Variants in ELP2 observed in about 807,000 individuals in gnomAD.
The protein encoded by ELP2 is elongator complex protein 2.
In ELP2, 90 loss-of-function variants were observed where a neutral mutation model predicts 119.2. The ratio of observed to expected loss-of-function variants is 0.75; its 90% CI spans 0.64 to 0.90. The LOEUF (loss-of-function observed/expected upper bound fraction) is 0.90. Ranked by LOEUF, ELP2 falls within the 40% of genes least tolerant of loss-of-function variation. The pLI is 0.00. For synonymous variants in ELP2, 339 were observed against 331.0 expected, an observed-to-expected ratio of 1.02 and a Z score of -0.26; for missense variants, 921 against 967.8, an observed-to-expected ratio of 0.95 and a Z score of 0.64.
At chr18:36,157,394 A>G (rs982547577) in intron 13 of ELP2, among the ~76,000 whole-genome samples, 2 of 152,072 alleles carry the variant, frequency 1.3e-5, no homozygotes, top group African/African-American at 4.8e-5. Context: ...GGGGAGAGAG[A>G]GGGAGAGAGC....
chr18:36,144,088 C>G (rs2090124867), intron 8 of ELP2, among the ~76,000 whole-genome samples: 1 of 151,544 alleles, frequency 6.6e-6, no homozygotes, highest in Non-Finnish European at 1.5e-5. Context: ...CATTGTTCAC[C>G]TAGGTGTATT....
chr18:36,163,975 A>G (rs934236835), intron 17 of ELP2, among the ~76,000 whole-genome samples: 2 of 152,202 alleles, frequency 1.3e-5, no homozygotes, highest in African/African-American at 2.4e-5. Context: ...TGGAGATTGC[A>G]TTGATTCTCT....
intron 12 of ELP2, 44 bp from the exon 13 acceptor site, chr18:36,156,422 T>C (rs1165770865): frequency 4.4e-6 from 7 of 1,587,572 alleles, no homozygotes; most frequent in Non-Finnish European, 6.1e-6. Flanking sequence ...TTATTGAAAA[T>C]TCAGCTTTTG....
rs1267935796 is a variant in ELP2, at chr18:36,176,073, CAT to C, written c.*1435_*1436del. ...AAAGGAAACAGGTGAAATTTAATGA[CAT>C]ATTTCCTTTAATACGGTATATCCAA... On this transcript the variant is annotated 3_prime_UTR_variant, in exon 22 of 22. Transcript: ENST00000358232. 13 of 152,178 alleles carry C rather than the reference CAT, an allele frequency of 8.5e-5. No individual in the cohort carries two copies. The highest frequency in any genetic ancestry group is 2.9e-4 in the African/African-American group (12 of 41,504). 9.4% of individuals were successfully genotyped at this position (152,178 alleles called of 1,614,324 possible).
In ELP2 at chr18:36,178,259, A is replaced by G. The variant is rs925033465; in HGVS notation, c.*3618A>G. 2.0e-5 allele frequency: 3 copies of G among 152,238 alleles called. No homozygotes were observed. Among genetic ancestry groups the G allele is most frequent in the Non-Finnish European group, 4.4e-5 (3 of 68,074 alleles). 9.4% of individuals were successfully genotyped at this position (152,238 alleles called of 1,614,324 possible). A position where few individuals can be genotyped will look rare whatever the true frequency, so the allele number is the denominator to read the frequency against. On this transcript the variant is annotated 3_prime_UTR_variant, in exon 22 of 22. Transcript: ENST00000358232. ...CCTTGGCTCTGATGCTTGAACATAA[A>G]CACACCTAGTCAGAAGTACATCAGT...
intron 16 of ELP2, among the ~76,000 whole-genome samples, 168 bp from the exon 17 acceptor site, chr18:36,160,764 A>T (rs1160980665): frequency 1.3e-5 from 2 of 152,118 alleles, no homozygotes; most frequent in Non-Finnish European, 2.9e-5. Context: ...TTTTTCTCCC[A>T]TCTCCCTGTC....
chr18:36,149,478 G>GATTTTTTT (rs2090319078), intron 11 of ELP2, among the ~76,000 whole-genome samples: 1 of 64,516 alleles, frequency 1.6e-5, no homozygotes, highest in Middle Eastern at 0.01. Context: ...AGGGTTTTTT[G>GATTTTTTT]TTTTGTTTTG....
chr18:36,132,338 C>T (rs982835418), intron 1 of ELP2, among the ~76,000 whole-genome samples: 9 of 152,256 alleles, frequency 5.9e-5, no homozygotes, highest in East Asian at 1.9e-4. Context: ...AGTGATAACG[C>T]GCGTGGCCAC....
At chr18:36,139,272 C>T (rs191564177) in intron 5 of ELP2, 78 of 708,702 alleles carry the variant, frequency 1.1e-4, no homozygotes, top group Non-Finnish European at 1.7e-4. Flanking sequence ...CTTCACATCC[C>T]GAATAATGAC....
intron 12 of ELP2, among the ~76,000 whole-genome samples, chr18:36,155,699 C>T (rs1019536272): frequency 2.6e-5 from 4 of 152,132 alleles, no homozygotes; most frequent in African/African-American, 7.2e-5. Flanking sequence ...CCACCATGCC[C>T]AGCTAATTTT....
intron 3 of ELP2, among the ~76,000 whole-genome samples, chr18:36,136,795 C>G (rs2089842227): frequency 6.6e-6 from 1 of 152,010 alleles, no homozygotes; most frequent in Non-Finnish European, 1.5e-5. Flanking sequence ...TGTGAATTTC[C>G]TGTCATTTTG....
At chr18:36,156,012 A>G (rs923157145) in intron 12 of ELP2, among the ~76,000 whole-genome samples, 2 of 152,328 alleles carry the variant, frequency 1.3e-5, no homozygotes, top group East Asian at 1.9e-4. Context: ...AGATAAGACC[A>G]GTTAATTGCT....
chr18:36,144,179 A>G (rs1369212837), intron 8 of ELP2, among the ~76,000 whole-genome samples: 1 of 152,218 alleles, frequency 6.6e-6, no homozygotes, highest in Non-Finnish European at 1.5e-5. Flanking sequence ...GAACGAAAAA[A>G]TGATATAACC....
rs2091032474 is a variant in ELP2 at position 36,170,094 on chromosome 18, A to G, written c.2108A>G (p.Asp703Gly). 6.2e-7 allele frequency: 1 copy of G among 1,614,100 alleles called. No homozygotes were observed. The highest frequency in any genetic ancestry group is 2.2e-5 in the East Asian group (1 of 44,876). ...VVVWGECDSTDDCIEHNIGPC... is the reference protein window; with the variant it reads ...VVVWGECDSTGDCIEHNIGPC... ...GTCTGGGGTGAGTGCGACTCCACTGATGACTGTATTGAGCACAACATTGGC... is the reference window on the plus strand; with the variant it reads ...GTCTGGGGTGAGTGCGACTCCACTGGTGACTGTATTGAGCACAACATTGGC... Residue 703 changes from aspartate to glycine, a missense_variant, in exon 20 of 22, where the codon GAT becomes GGT. Physicochemically the swap from Asp to Gly is moderately conservative, Grantham distance 94 (BLOSUM62 -1). Transcript: ENST00000358232.
At chr18:36,133,195 T>C (rs531678922) in intron 1 of ELP2, 43 bp from the exon 2 acceptor site, 21 of 1,294,408 alleles carry the variant, frequency 1.6e-5, no homozygotes, top group South Asian at 1.6e-4. Context: ...AATTTTTCTG[T>C]AGGATAAATT....
rs561853812 is a variant in ELP2 at position 36,149,483 on chromosome 18, G to GTTTTTTTTTTTTTTTTT, written c.1125+3106_1125+3107insTTTTTTTTTTTTTTTTT. Among the ~76,000 whole-genome samples, 956 of 101,548 alleles carry GTTTTTTTTTTTTTTTTT rather than the reference G, an allele frequency of 9.4e-3. 30 individuals are homozygous for GTTTTTTTTTTTTTTTTT. Among genetic ancestry groups the GTTTTTTTTTTTTTTTTT allele is most frequent in the Non-Finnish European group, 0.012 (646 of 53,596 alleles). The allele number at this position is 101,548 out of a possible 152,430, so 66.6% of individuals were successfully genotyped here. ...ACATAGTTGCAGGGTTTTTTGTTTT[G>GTTTTTTTTTTTTTTTTT]TTTTGTTTTTTTTTTTTTTGCTTAG... On this transcript the variant is annotated intron_variant, in intron 11 of 21. Transcript: ENST00000358232.
At position 36,179,307 on chromosome 18, in the gene ELP2, C is replaced by CAAAAAAAAAAAAAAAAAAAAAAAAA. The variant is rs56758248; in HGVS notation, c.*4682_*4683insAAAAAAAAAAAAAAAAAAAAAAAAA. ...TGAAACCCCATCTCTACTAAAAATA[C>CAAAAAAAAAAAAAAAAAAAAAAAAA]AAAAAAAAAAAAAAAATTAGTCGGG... On this transcript the variant is annotated 3_prime_UTR_variant, in exon 22 of 22. Transcript: ENST00000358232. The CAAAAAAAAAAAAAAAAAAAAAAAAA allele has an allele frequency of 9.2e-6, 1 of 108,778 alleles. No homozygotes were observed. Among genetic ancestry groups the CAAAAAAAAAAAAAAAAAAAAAAAAA allele is most frequent in the Non-Finnish European group, 1.9e-5 (1 of 53,892 alleles). The allele number at this position is 108,778 out of a possible 1,614,324, so 6.7% of individuals were successfully genotyped here. A position where few individuals can be genotyped will look rare whatever the true frequency, so the allele number is the denominator to read the frequency against.
chr18:36,172,895 T>C (rs547732807), intron 21 of ELP2, among the ~76,000 whole-genome samples: 9 of 152,296 alleles, frequency 5.9e-5, no homozygotes, highest in African/African-American at 2.2e-4. Flanking sequence ...ACTTAACATA[T>C]ATTATTTGGA....
At chr18:36,136,264 A>C in intron 2 of ELP2, 43 bp from the exon 3 acceptor site, 1 of 1,495,380 alleles carries the variant, frequency 6.7e-7, no homozygotes, top group Non-Finnish European at 9.3e-7. Context: ...AAAATTGCAG[A>C]AAAAATGAAT....
Sources: gnomAD v4.1 joint callset for allele counts (sites outside exome capture counted in the v4.1 genomes callset) on GRCh38, gnomAD v4.1.1 for gene constraint, MANE v1.5 for transcripts, NCBI Gene and HGNC (gene_info 2026-07-23, HGNC 2026-07-21) for gene names.